The following OTUD7B variants were observed in gnomAD, a reference collection of about 807,000 sequenced individuals.
OTUD7B encodes the protein OTU deubiquitinase 7B.
A neutral mutation model predicts 82.2 loss-of-function variants in OTUD7B; 34 were observed. The observed-to-expected ratio is 0.41, with a 90% CI of 0.31 to 0.55. The LOEUF (loss-of-function observed/expected upper bound fraction) is 0.55. Ranked by LOEUF, OTUD7B falls within the 20% of genes least tolerant of loss-of-function variation. OTUD7B has a pLI of 0.20. For synonymous variants in OTUD7B, 398 were observed against 402.7 expected, an observed-to-expected ratio of 0.99 and a Z score of 0.14; for missense variants, 944 against 1,062.1, an observed-to-expected ratio of 0.89 and a Z score of 1.55.
At position 149,939,586 on chromosome 1, in the gene OTUD7B, C is replaced by T. The variant is rs2092748362; in HGVS notation, c.*4271G>A. On this transcript the variant is annotated 3_prime_UTR_variant, in exon 12 of 12. Coordinates refer to ENST00000581312, the MANE Select transcript of OTUD7B (RefSeq NM_020205.4). ...CCAGGCCGGGAAGGGGCTTCTAATT[C>T]TGTCTTCTCACCTGTGGCTATATGT... The T allele has an allele frequency of 6.6e-6, 1 of 152,226 alleles. No homozygotes were observed. Among genetic ancestry groups the T allele is most frequent in the Non-Finnish European group, 1.5e-5 (1 of 68,076 alleles). The allele number at this position is 152,226 out of a possible 1,614,324, so 9.4% of individuals were successfully genotyped here.
intron 7 of OTUD7B, among the ~76,000 whole-genome samples, chr1:149,955,022 G>GT (rs1553774269): frequency 6.6e-6 from 1 of 152,108 alleles, no homozygotes; most frequent in South Asian, 2.1e-4. Flanking sequence ...TTTTTGAAGG[G>GT]TTTTTTGTGT....
chr1:149,992,556 A>C (rs1316028866), intron 1 of OTUD7B, among the ~76,000 whole-genome samples: 1 of 133,144 alleles, frequency 7.5e-6, no homozygotes, highest in Non-Finnish European at 1.5e-5. Context: ...GCTCACTGCA[A>C]GCTCGGCCTC....
At chr1:150,034,079 A>G in the OTUD7B span, among the ~76,000 whole-genome samples, 2 of 151,970 alleles carry the variant, frequency 1.3e-5, no homozygotes, top group South Asian at 4.1e-4. Context: ...GGTTAAGGAG[A>G]CTTGTTTAAA....
Position 149,943,768 on chromosome 1 carries a change from C to T in OTUD7B, c.*89G>A. The T allele has an allele frequency of 1.5e-6, 2 of 1,307,636 alleles. No homozygotes were observed. The highest frequency in any genetic ancestry group is 2.2e-6 in the Non-Finnish European group (2 of 926,008). The allele number at this position is 1,307,636 out of a possible 1,614,324, so 81.0% of individuals were successfully genotyped here. A position where few individuals can be genotyped will look rare whatever the true frequency, so the allele number is the denominator to read the frequency against. On this transcript the variant is annotated 3_prime_UTR_variant, in exon 12 of 12. Coordinates refer to ENST00000581312, the MANE Select transcript of OTUD7B (RefSeq NM_020205.4). ...GCTCCCACAAACATTACTGCATTTT[C>T]CCCCTCAACATGGGGACTGTGTTCT...
chr1:150,059,840 A>G, the OTUD7B span, among the ~76,000 whole-genome samples: 2 of 152,352 alleles, frequency 1.3e-5, no homozygotes, highest in African/African-American at 4.8e-5. Flanking sequence ...AAACATAAAC[A>G]TAAAACTTAA....
rs184837058 is a variant in OTUD7B, at chr1:149,958,952, T to C, written c.845+732A>G. Among the ~76,000 whole-genome samples, 174 of 151,488 alleles carry C rather than the reference T, an allele frequency of 1.1e-3. 1 individual carries two copies. The highest frequency in any genetic ancestry group is 4.1e-3 in the African/African-American group (171 of 41,288). ...ATGTGGTCTCACTGGCCAGGCATGG[T>C]GGCTCATGCTTGTAATCCCAGCACT... is the stretch of plus-strand genomic sequence containing the variant. On this transcript the variant is annotated intron_variant, in intron 7 of 11. Transcript: ENST00000581312.
At chr1:149,958,193 G>T (rs1648853682) in intron 7 of OTUD7B, among the ~76,000 whole-genome samples, 1 of 152,022 alleles carries the variant, frequency 6.6e-6, no homozygotes, top group Admixed American at 6.6e-5. Context: ...CTACACCTCA[G>T]ATCTATTTAC....
At chr1:149,960,621 A>C (rs1464141723) in intron 6 of OTUD7B, among the ~76,000 whole-genome samples, 1 of 151,428 alleles carries the variant, frequency 6.6e-6, no homozygotes, top group Non-Finnish European at 1.5e-5. Context: ...TGACCTGGTG[A>C]TCTGCCTGTC....
At chr1:150,054,987 T>C in the OTUD7B span, 1 of 318,738 alleles carries the variant, frequency 3.1e-6, no homozygotes, top group Non-Finnish European at 6.2e-6. Flanking sequence ...ACCTCTGATC[T>C]GTGTTTGCCC....
chr1:149,972,207 C>T (rs78439090), intron 2 of OTUD7B, among the ~76,000 whole-genome samples: 2,916 of 152,298 alleles, frequency 0.019, 79 homozygotes, highest in African/African-American at 0.064. Context: ...CCTCATAGAG[C>T]TGTTATGAAG....
At chr1:150,010,181 C>A (rs2101956215) in intron 1 of OTUD7B, among the ~76,000 whole-genome samples, 1 of 152,198 alleles carries the variant, frequency 6.6e-6, no homozygotes, top group East Asian at 1.9e-4. Context: ...TCCAAACTGG[C>A]CAGCACAGCT....
rs948236420 is a variant in OTUD7B at position 149,945,917 on chromosome 1, G to A, written c.1324-852C>T. On this transcript the variant is annotated intron_variant, in intron 11 of 11. Coordinates refer to ENST00000581312, the MANE Select transcript of OTUD7B (RefSeq NM_020205.4). ...CTCTACTAAAAATACAAAATTAGCC[G>A]GACGTGGTGGTGCATGTCTGTAATC... Among the ~76,000 whole-genome samples, 6 of 151,580 alleles carry A rather than the reference G, an allele frequency of 4.0e-5. No homozygotes were observed. The South Asian group carries it at 6.3e-4, about 16-fold the overall frequency.
At position 149,977,517 on chromosome 1, in the gene OTUD7B, C is replaced by T. The variant is rs1553778870; in HGVS notation, c.-7G>A. Reference sequence around the variant, plus strand: ...CATCCATGTCCAGGGTCATGTGATCCTCAAGTACTTTCAGCCAGCTGGATG... The same window carrying T: ...CATCCATGTCCAGGGTCATGTGATCTTCAAGTACTTTCAGCCAGCTGGATG... On this transcript the variant is annotated 5_prime_UTR_variant, in exon 2 of 12. Transcript: ENST00000581312. 9 of 1,612,388 alleles carry T rather than the reference C, an allele frequency of 5.6e-6. No homozygotes were observed. The highest frequency in any genetic ancestry group is 7.6e-6 in the Non-Finnish European group (9 of 1,178,454).
the OTUD7B span, chr1:150,048,520 A>G: frequency 6.6e-6 from 1 of 151,606 alleles, no homozygotes; most frequent in Admixed American, 6.6e-5. Context: ...GGAGTTCAAG[A>G]CCAGCGTGGG....
At chr1:150,053,362 G>C in the OTUD7B span, among the ~76,000 whole-genome samples, 1 of 151,880 alleles carries the variant, frequency 6.6e-6, no homozygotes, top group East Asian at 1.9e-4. Context: ...ATTAAAAAGT[G>C]GGCAAAGGAC....
chr1:150,053,323 C>T, the OTUD7B span, among the ~76,000 whole-genome samples: 4 of 151,802 alleles, frequency 2.6e-5, no homozygotes, highest in South Asian at 2.1e-4. Flanking sequence ...GGAACTTAAA[C>T]GAATTTACAA....
At chr1:150,055,782 A>T in the OTUD7B span, among the ~76,000 whole-genome samples, 482 of 152,338 alleles carry the variant, frequency 3.2e-3, 1 homozygote, top group Middle Eastern at 0.02. Flanking sequence ...CTAATGCAGG[A>T]ACAGAAAGCC....
chr1:150,018,828 C>T, the OTUD7B span, among the ~76,000 whole-genome samples: 1 of 152,136 alleles, frequency 6.6e-6, no homozygotes, highest in African/African-American at 2.4e-5. Flanking sequence ...ATATTCTGTT[C>T]TTGGTTTCCT....
At chr1:150,016,667 G>T in the OTUD7B span, among the ~76,000 whole-genome samples, 48 of 152,100 alleles carry the variant, frequency 3.2e-4, no homozygotes, top group Admixed American at 1.3e-4. Context: ...GACCAGGCTG[G>T]TCTTGAACTC....
Sources: gnomAD v4.1 joint callset for allele counts (sites outside exome capture counted in the v4.1 genomes callset) on GRCh38, gnomAD v4.1.1 for gene constraint, MANE v1.5 for transcripts, NCBI Gene and HGNC (gene_info 2026-07-23, HGNC 2026-07-21) for gene names.